Variants in DSCAML1 observed in about 807,000 individuals in gnomAD.
DSCAML1 encodes the protein DS cell adhesion molecule like 1.
DSCAML1 carries 38 observed loss-of-function variants against 200.5 expected under a neutral mutation model. The ratio of observed to expected loss-of-function variants is 0.19; its 90% CI spans 0.15 to 0.25. The LOEUF (loss-of-function observed/expected upper bound fraction) is 0.25, where lower values mean the gene tolerates loss of function less well. Ranked by LOEUF, DSCAML1 falls within the 10% of genes least tolerant of loss-of-function variation. The pLI, the probability that DSCAML1 is intolerant of heterozygous loss-of-function variation, is 1.00. For synonymous variants in DSCAML1, 1,215 were observed against 1,165.0 expected (o/e 1.04, Z -0.87); for missense variants, 2,223 against 2,858.8 (o/e 0.78, Z 5.07).
intron 3 of DSCAML1, among the ~76,000 whole-genome samples, chr11:117,602,305 A>T (rs968009533): frequency 7.9e-5 from 12 of 152,206 alleles, no homozygotes; most frequent in African/African-American, 2.9e-4. Flanking sequence ...TTGTCTTGGC[A>T]TGAGTGTGTG....
intron 3 of DSCAML1, among the ~76,000 whole-genome samples, chr11:117,567,531 C>T (rs1391055618): frequency 1.3e-5 from 2 of 152,014 alleles, no homozygotes; most frequent in Admixed American, 6.6e-5. Context: ...TTGTAGGTTG[C>T]CTGTTCACTC....
intron 15 of DSCAML1, among the ~76,000 whole-genome samples, chr11:117,470,615 C>T (rs2048667112): frequency 6.6e-6 from 1 of 152,186 alleles, no homozygotes; most frequent in Non-Finnish European, 1.5e-5. Flanking sequence ...TGTTTGATGA[C>T]TCTGTAATTC....
At chr11:117,541,557 T>C (rs2050268860) in intron 3 of DSCAML1, among the ~76,000 whole-genome samples, 1 of 152,196 alleles carries the variant, frequency 6.6e-6, no homozygotes, top group Admixed American at 6.5e-5. Context: ...TGCTGCCACA[T>C]TGCAATGGTT....
chr11:117,628,982 T>C (rs2052113090), intron 3 of DSCAML1, among the ~76,000 whole-genome samples: 1 of 152,018 alleles, frequency 6.6e-6, no homozygotes. Context: ...CCACCCAACC[T>C]GGCCCAGACT....
intron 27 of DSCAML1, among the ~76,000 whole-genome samples, chr11:117,434,112 T>G (rs181614578): frequency 6.6e-6 from 1 of 152,324 alleles, no homozygotes; most frequent in Admixed American, 6.5e-5. Context: ...GCTGTCAGAA[T>G]GAATCCCAAA....
At chr11:117,588,271 G>A (rs55691813) in intron 3 of DSCAML1, among the ~76,000 whole-genome samples, 10,578 of 152,086 alleles carry the variant, frequency 0.07, 1,213 homozygotes, top group African/African-American at 0.24. Context: ...TCTGCCAGCC[G>A]TGCCCATGAC....
At chr11:117,607,463 G>A (rs1005808841) in intron 3 of DSCAML1, among the ~76,000 whole-genome samples, 1 of 152,234 alleles carries the variant, frequency 6.6e-6, no homozygotes, top group Non-Finnish European at 1.5e-5. Context: ...GCCATGCACT[G>A]TTGTATCAGC....
upstream of DSCAML1, among the ~76,000 whole-genome samples, chr11:117,800,179 G>A (rs1226880790): frequency 6.6e-6 from 1 of 152,114 alleles, no homozygotes; most frequent in Non-Finnish European, 1.5e-5. Context: ...TGGCTCAGAT[G>A]TATTTAGAAG....
In DSCAML1 at chr11:117,642,817, C is replaced by T. The variant is rs973510692; in HGVS notation, c.512-110295G>A. 2.0e-5 allele frequency among the ~76,000 whole-genome samples: 3 copies of T among 152,192 alleles called. No homozygotes were observed. Among genetic ancestry groups the T allele is most frequent in the Admixed American group, 2.0e-4 (3 of 15,288 alleles). Reference sequence around the variant, plus strand: ...CCCTTTCCACCTCCAACCCTTTGTCCAGAGCACCCTTCCTGGCCCACACTG... The same window carrying T: ...CCCTTTCCACCTCCAACCCTTTGTCTAGAGCACCCTTCCTGGCCCACACTG... On this transcript the variant is annotated intron_variant, in intron 3 of 32. Coordinates refer to ENST00000651296, the MANE Select transcript of DSCAML1 (RefSeq NM_020693.4). This position sits in a 1 kb window ranked among gnomAD's most constrained non-coding sequence, Gnocchi z 4.1.
chr11:117,492,175 G>A (rs1446395201), intron 11 of DSCAML1, among the ~76,000 whole-genome samples: 2 of 152,174 alleles, frequency 1.3e-5, no homozygotes, highest in African/African-American at 4.8e-5. Flanking sequence ...GGCTGGATGA[G>A]CCCTCCTCTA....
intron 27 of DSCAML1, 102 bp downstream of exon 27, chr11:117,435,542 A>C: frequency 7.4e-7 from 1 of 1,354,076 alleles, no homozygotes; most frequent in Non-Finnish European, 1.0e-6. Context: ...GGACACAGGC[A>C]CTCTGTATCA....
rs1210219295 is a variant in DSCAML1 at position 117,769,352 on chromosome 11, A to T, written c.511+7439T>A. Among the ~76,000 whole-genome samples, 3 of 3,530 alleles carry T rather than the reference A, an allele frequency of 8.5e-4. 1 individual carries two copies. Among genetic ancestry groups the T allele is most frequent in the Non-Finnish European group, 2.7e-3 (2 of 734 alleles). 2.3% of individuals were successfully genotyped at this position (3,530 alleles called of 152,430 possible). A position where few individuals can be genotyped will look rare whatever the true frequency, so the allele number is the denominator to read the frequency against. On this transcript the variant is annotated intron_variant, in intron 3 of 32. Coordinates refer to ENST00000651296, the MANE Select transcript of DSCAML1 (RefSeq NM_020693.4). Reference sequence around the variant, plus strand: ...TATATATAATATATATTTTATATATATTATATATTTTATATAATATATATT... The same window carrying T: ...TATATATAATATATATTTTATATATTTTATATATTTTATATAATATATATT...
chr11:117,576,418 G>A (rs915926559), intron 3 of DSCAML1, among the ~76,000 whole-genome samples: 11 of 152,158 alleles, frequency 7.2e-5, no homozygotes, highest in African/African-American at 1.9e-4. Context: ...GCACAAGGCC[G>A]CTTTCCCAAC....
intron 3 of DSCAML1, among the ~76,000 whole-genome samples, chr11:117,569,603 C>T (rs1202817683): frequency 6.6e-6 from 1 of 152,194 alleles, no homozygotes; most frequent in African/African-American, 2.4e-5. Context: ...AAGCCACTTC[C>T]CTCATTCTGT....
In DSCAML1 at chr11:117,546,137, CTT is replaced by C. The variant is rs1253268586; in HGVS notation, c.512-13617_512-13616del. Among the ~76,000 whole-genome samples the C allele has an allele frequency of 2.6e-5, 4 of 152,202 alleles. No homozygotes were observed. In the East Asian group the frequency reaches 5.8e-4, roughly 22 times the overall value. ...AAGGGGAACAGTCAGGTCCCACCAT[CTT>C]TATCTCTGCCTTTGGGCTCTATAGG... On this transcript the variant is annotated intron_variant, in intron 3 of 32. Coordinates refer to ENST00000651296, the MANE Select transcript of DSCAML1 (RefSeq NM_020693.4).
chr11:117,428,031 G>A lies in DSCAML1; in HGVS notation c.*297C>T, dbSNP rs1056580096. The A allele has an allele frequency of 8.4e-6, 2 of 239,516 alleles. No homozygotes were observed. Among genetic ancestry groups the A allele is most frequent in the Non-Finnish European group, 7.9e-6 (1 of 125,886 alleles). The allele number at this position is 239,516 out of a possible 1,614,324, so 14.8% of individuals were successfully genotyped here. ...AGAGAAATATATAGATATATAGCTCGTGGACGCGTTCCTGTCTGTCTATAT... is the reference window on the plus strand; with the variant it reads ...AGAGAAATATATAGATATATAGCTCATGGACGCGTTCCTGTCTGTCTATAT... On this transcript the variant is annotated 3_prime_UTR_variant, in exon 33 of 33. Coordinates refer to ENST00000651296, the MANE Select transcript of DSCAML1 (RefSeq NM_020693.4).
chr11:117,776,852 A>C lies in DSCAML1; in HGVS notation c.450T>G (p.Ser150=), dbSNP rs943713716. ...NVAVFKCLIP[S]SVQEYVSVVS... ...CAACGCTAACATATTCCTGCACTGA[A>C]GAGGGGATGAGGCACTTGAAGACGG... Residue 150 remains serine (S), a synonymous_variant, in exon 3 of 33, where the codon TCT becomes TCG. Coordinates refer to ENST00000651296, the MANE Select transcript of DSCAML1 (RefSeq NM_020693.4). 9.3e-6 allele frequency: 15 copies of C among 1,614,058 alleles called. No homozygotes were observed. The highest frequency in any genetic ancestry group is 3.3e-5 in the Admixed American group (2 of 59,998).
At chr11:117,610,050 A>G (rs1565824383) in intron 3 of DSCAML1, among the ~76,000 whole-genome samples, 2 of 152,304 alleles carry the variant, frequency 1.3e-5, no homozygotes, top group Non-Finnish European at 2.9e-5. Flanking sequence ...ACCTCCCCTC[A>G]GACAAACCCA....
At chr11:117,534,689 A>T (rs1056391286) in intron 3 of DSCAML1, among the ~76,000 whole-genome samples, 3 of 152,104 alleles carry the variant, frequency 2.0e-5, no homozygotes, top group Non-Finnish European at 4.4e-5. Flanking sequence ...AGCTCATTGC[A>T]GCCTTGACAT....
Sources: allele counts gnomAD v4.1 joint callset (sites outside exome capture counted in the v4.1 genomes callset), GRCh38; gene constraint gnomAD v4.1.1; non-coding constraint Gnocchi (gnomAD v3.1); transcripts MANE v1.5; gene names NCBI Gene and HGNC (gene_info 2026-07-23, HGNC 2026-07-21).